The following ZNF438 variants were observed in gnomAD, a reference collection of about 807,000 sequenced individuals.
ZNF438 encodes zinc finger protein 438.
A neutral mutation model predicts 38.0 loss-of-function variants in ZNF438; 25 were observed. The observed-to-expected ratio is 0.66, with a 90% CI of 0.48 to 0.92. The LOEUF (loss-of-function observed/expected upper bound fraction) is 0.92, where lower values mean the gene tolerates loss of function less well. ZNF438 is among the 40% of genes least tolerant of loss of function. ZNF438 has a pLI of 0.00. For synonymous variants in ZNF438, 372 were observed against 364.1 expected (o/e 1.02, Z -0.25); for missense variants, 1,007 against 999.6 (o/e 1.01, Z -0.10).
At chr10:30,992,773 G>C (rs2053634793) in intron 1 of ZNF438, among the ~76,000 whole-genome samples, 1 of 152,194 alleles carries the variant, frequency 6.6e-6, no homozygotes, top group Admixed American at 6.5e-5. Context: ...AATATGTAAA[G>C]GTCATTCTGA....
chr10:30,943,345 AC>A (rs1471692617), intron 1 of ZNF438, among the ~76,000 whole-genome samples: 1 of 152,152 alleles, frequency 6.6e-6, no homozygotes, highest in African/African-American at 2.4e-5. Flanking sequence ...CAATGGCAAG[AC>A]CATCTATTGA....
At chr10:30,892,196 T>C (rs1000191509) in intron 3 of ZNF438, among the ~76,000 whole-genome samples, 1 of 151,728 alleles carries the variant, frequency 6.6e-6, no homozygotes, top group Admixed American at 6.6e-5. Context: ...AGATCCCCAG[T>C]GGATGTCTAA....
At chr10:30,876,709 G>C (rs2038479833) in intron 4 of ZNF438, among the ~76,000 whole-genome samples, 1 of 152,008 alleles carries the variant, frequency 6.6e-6, no homozygotes, top group South Asian at 2.1e-4. Flanking sequence ...ATATCTGTTA[G>C]TGCCAGTTAA....
intron 3 of ZNF438, among the ~76,000 whole-genome samples, chr10:30,896,971 T>C (rs1564596253): frequency 6.6e-6 from 1 of 152,222 alleles, no homozygotes; most frequent in Non-Finnish European, 1.5e-5. Context: ...TTTTAACTTT[T>C]ACTGGAAGCA....
chr10:30,881,984 T>C (rs150201161), intron 3 of ZNF438, among the ~76,000 whole-genome samples: 1 of 152,176 alleles, frequency 6.6e-6, no homozygotes, highest in Non-Finnish European at 1.5e-5. Context: ...TAAAAGAAAA[T>C]ACTGTGCCCT....
chr10:30,851,464 C>T (rs1250273379), intron 4 of ZNF438, among the ~76,000 whole-genome samples: 1 of 152,264 alleles, frequency 6.6e-6, no homozygotes, highest in Non-Finnish European at 1.5e-5. Context: ...TTATTCCAAT[C>T]ATTATCCCAG....
At chr10:30,861,785 G>T (rs2035622471) in intron 4 of ZNF438, among the ~76,000 whole-genome samples, 1 of 152,118 alleles carries the variant, frequency 6.6e-6, no homozygotes, top group Non-Finnish European at 1.5e-5. Context: ...CATTTAGAAA[G>T]ATAAAGTTGT....
At chr10:30,934,407 A>C (rs2046016567) in intron 2 of ZNF438, among the ~76,000 whole-genome samples, 1 of 152,190 alleles carries the variant, frequency 6.6e-6, no homozygotes, top group African/African-American at 2.4e-5. Flanking sequence ...AATGACTTTA[A>C]CATTTCTCAG....
chr10:30,951,158 T>C (rs1049022154), intron 1 of ZNF438, among the ~76,000 whole-genome samples: 1 of 151,152 alleles, frequency 6.6e-6, no homozygotes, highest in Admixed American at 6.6e-5. Context: ...CACATGATTA[T>C]CTCAATAGAT....
intron 1 of ZNF438, among the ~76,000 whole-genome samples, chr10:30,956,391 T>G (rs1185777066): frequency 2.0e-5 from 3 of 152,214 alleles, no homozygotes; most frequent in Non-Finnish European, 4.4e-5. Context: ...TGGAATACAG[T>G]GTGGTATTCT....
In ZNF438 at chr10:30,904,527, TCTAA is replaced by T. The variant is rs2042380056; in HGVS notation, c.-32+4402_-32+4405del. Among the ~76,000 whole-genome samples, 4 of 152,272 alleles carry T rather than the reference TCTAA, an allele frequency of 2.6e-5. No homozygotes were observed. In the South Asian group the frequency reaches 8.3e-4, roughly 32 times the overall value. On this transcript the variant is annotated intron_variant, in intron 3 of 5. Coordinates refer to ENST00000413025, the Ensembl canonical transcript of ZNF438. ...CTCCCACTTCCACTTCTGCCCCTTT[TCTAA>T]CTGACACAGCCAGAGTGATGTTTTC...
intron 4 of ZNF438, among the ~76,000 whole-genome samples, chr10:30,855,324 C>T (rs1318051639): frequency 6.6e-6 from 1 of 152,166 alleles, no homozygotes; most frequent in Non-Finnish European, 1.5e-5. Context: ...AGTCCGTGCT[C>T]CTCAAGGTCC....
At chr10:30,885,882 G>A (rs980726671) in intron 3 of ZNF438, among the ~76,000 whole-genome samples, 70 of 152,200 alleles carry the variant, frequency 4.6e-4, no homozygotes, top group African/African-American at 1.5e-3. Context: ...AAAAATTCAA[G>A]GGGAGATGCT....
intron 4 of ZNF438, among the ~76,000 whole-genome samples, chr10:30,872,197 T>G (rs2037530125): frequency 1.3e-5 from 2 of 151,422 alleles, no homozygotes; most frequent in African/African-American, 4.9e-5. Flanking sequence ...GTCAAGCAAG[T>G]GGAATTTAAG....
chr10:31,016,433 T>A (rs1406829256), intron 1 of ZNF438, among the ~76,000 whole-genome samples: 2 of 152,238 alleles, frequency 1.3e-5, no homozygotes, highest in African/African-American at 4.8e-5. Flanking sequence ...AACTAGGATA[T>A]AAGCTAAACT....
At chr10:30,956,903 A>G (rs910385834) in intron 1 of ZNF438, among the ~76,000 whole-genome samples, 3 of 152,190 alleles carry the variant, frequency 2.0e-5, no homozygotes, top group African/African-American at 7.2e-5. Context: ...TGGATATATA[A>G]GCCGTACAGT....
intron 1 of ZNF438, among the ~76,000 whole-genome samples, chr10:31,020,718 G>GT (rs1554771721): frequency 1.3e-5 from 2 of 151,398 alleles, no homozygotes; most frequent in African/African-American, 2.4e-5. Flanking sequence ...ATATCTTTTA[G>GT]TAAACAACAG....
Position 30,959,181 on chromosome 10 carries a change from C to T in ZNF438, c.-191-17530G>A, listed in dbSNP as rs112485441. Among the ~76,000 whole-genome samples, 32 of 147,144 alleles carry T rather than the reference C, an allele frequency of 2.2e-4. 4 individuals are homozygous for T. The highest frequency in any genetic ancestry group is 6.1e-4 in the African/African-American group (25 of 41,182). ...CAGATATTTGGTCAAACATTATTCT[C>T]GACATTTCTGCAAGAGTAATTTTGG... On this transcript the variant is annotated intron_variant, in intron 1 of 5. Coordinates refer to ENST00000413025, the Ensembl canonical transcript of ZNF438.
chr10:30,981,059 C>T (rs1217557104), intron 1 of ZNF438, among the ~76,000 whole-genome samples: 1 of 152,198 alleles, frequency 6.6e-6, no homozygotes, highest in Non-Finnish European at 1.5e-5. Context: ...GTTTTCACAA[C>T]AGCTAGGAAC....
Sources: allele counts gnomAD v4.1 joint callset (sites outside exome capture counted in the v4.1 genomes callset), GRCh38; gene constraint gnomAD v4.1.1; transcripts MANE v1.5; gene names NCBI Gene and HGNC (gene_info 2026-07-23, HGNC 2026-07-21).